The following C1orf105 variants were observed in gnomAD, a reference collection of about 807,000 sequenced individuals.
C1orf105 encodes the protein uncharacterized protein C1orf105.
Under a neutral mutation model 20.8 loss-of-function variants are expected in C1orf105, and 17 were observed. That is an observed-to-expected ratio of 0.82 (90% CI 0.56 to 1.23). The LOEUF is 1.23. Among genes scored for constraint, C1orf105 ranks in the 50% most tolerant of loss-of-function variants. The pLI, the probability that C1orf105 is intolerant of heterozygous loss-of-function variation, is 0.00. For synonymous variants in C1orf105, 72 were observed against 72.1 expected, an observed-to-expected ratio of 1.00 and a Z score of 0.01; for missense variants, 219 against 213.5, an observed-to-expected ratio of 1.03 and a Z score of -0.16.
chr1:172,449,140 C>G (rs1194495750), intron 3 of C1orf105, among the ~76,000 whole-genome samples: 1 of 152,190 alleles, frequency 6.6e-6, no homozygotes. Flanking sequence ...TCCTAAGGCA[C>G]TCGACACGGT....
chr1:172,459,018 C>T (rs996634136), intron 4 of C1orf105, among the ~76,000 whole-genome samples: 8 of 152,078 alleles, frequency 5.3e-5, no homozygotes, highest in Non-Finnish European at 1.2e-4. Flanking sequence ...TGTACCTCTT[C>T]CTCACACCAT....
chr1:172,432,207 G>A (rs368016732), intron 1 of C1orf105, among the ~76,000 whole-genome samples: 4 of 152,290 alleles, frequency 2.6e-5, no homozygotes, highest in East Asian at 1.9e-4. Context: ...AAACTTAAAC[G>A]TCCCTGTGTG....
intron 3 of C1orf105, chr1:172,450,977 G>A (rs559923308): frequency 4.6e-5 from 7 of 152,230 alleles, no homozygotes; most frequent in African/African-American, 1.7e-4. Context: ...CTGTGGAGAA[G>A]CTTCTTCATT....
intron 2 of C1orf105, 64 bp downstream of exon 2, chr1:172,445,222 T>A: frequency 7.6e-7 from 1 of 1,308,062 alleles, no homozygotes; most frequent in Non-Finnish European, 1.1e-6. Flanking sequence ...GATTTCTTCT[T>A]AAGGGATGGG....
chr1:172,448,520 G>GT lies in C1orf105; in HGVS notation c.191dup (p.Leu64PhefsTer3). On this transcript the variant is annotated frameshift_variant, in exon 3 of 7. Coordinates refer to ENST00000367727, the MANE Select transcript of C1orf105 (RefSeq NM_139240.4). LOFTEE classifies it high-confidence loss of function. ...GCCAATTTTGTTTCAAGTTCCAGAT[G>GT]TTTTATCTAAGGTACTAAAAAATTT... 6.2e-7 allele frequency: 1 copy of GT among 1,608,396 alleles called. No homozygotes were observed. The highest frequency in any genetic ancestry group is 8.5e-7 in the Non-Finnish European group (1 of 1,175,136).
chr1:172,444,241 A>G (rs1306864359), intron 1 of C1orf105: 1 of 985,344 alleles, frequency 1.0e-6, no homozygotes, highest in Non-Finnish European at 1.2e-6. Context: ...GCAAATCCCC[A>G]GCAATCCCCT....
chr1:172,456,355 C>A, intron 3 of C1orf105, 60 bp from the exon 4 acceptor site: 1 of 1,446,296 alleles, frequency 6.9e-7, no homozygotes, highest in Non-Finnish European at 9.6e-7. Flanking sequence ...TTTCCTACAT[C>A]TTTGCTGCCC....
intron 1 of C1orf105, among the ~76,000 whole-genome samples, chr1:172,432,936 G>A (rs2071917616): frequency 1.3e-5 from 2 of 152,228 alleles, no homozygotes; most frequent in Admixed American, 1.3e-4. Context: ...ACCTGATGGA[G>A]CTGAAAACCA....
chr1:172,439,713 T>C (rs2072157570), intron 1 of C1orf105, among the ~76,000 whole-genome samples: 5 of 151,628 alleles, frequency 3.3e-5, no homozygotes, highest in Admixed American at 2.6e-4. Context: ...GCTACCTGAG[T>C]TCCCTAAAAT....
At chr1:172,433,341 G>C (rs554707111) in intron 1 of C1orf105, among the ~76,000 whole-genome samples, 5 of 152,228 alleles carry the variant, frequency 3.3e-5, no homozygotes, top group African/African-American at 9.6e-5. Context: ...AAATGTTAAG[G>C]GCAGCCAGAA....
At chr1:172,466,338 C>T (rs957583442) in intron 6 of C1orf105, among the ~76,000 whole-genome samples, 2 of 152,154 alleles carry the variant, frequency 1.3e-5, no homozygotes, top group African/African-American at 4.8e-5. Flanking sequence ...GTTCATGGCT[C>T]TCATTTAGCC....
chr1:172,444,152 C>G, intron 1 of C1orf105: 10 of 988,204 alleles, frequency 1.0e-5, no homozygotes, highest in Non-Finnish European at 1.1e-5. Context: ...TGACTGCTGC[C>G]CCCTCCTGGC....
At chr1:172,441,578 C>T (rs1046583013) in intron 1 of C1orf105, 2 of 661,842 alleles carry the variant, frequency 3.0e-6, no homozygotes, top group African/African-American at 1.8e-5. Context: ...CCCTCACCAC[C>T]CAAGCCTTTG....
intron 1 of C1orf105, among the ~76,000 whole-genome samples, chr1:172,427,158 C>T (rs1389132904): frequency 6.6e-6 from 1 of 152,200 alleles, no homozygotes; most frequent in Non-Finnish European, 1.5e-5. Context: ...TGATTCCTTG[C>T]CTCCAACTTC....
At chr1:172,433,336 T>C (rs377447811) in intron 1 of C1orf105, among the ~76,000 whole-genome samples, 234 of 152,234 alleles carry the variant, frequency 1.5e-3, no homozygotes, top group African/African-American at 5.4e-3. Flanking sequence ...GGAAAAAATG[T>C]TAAGGGCAGC....
At chr1:172,426,452 A>G (rs2071724744) in intron 1 of C1orf105, among the ~76,000 whole-genome samples, 1 of 151,874 alleles carries the variant, frequency 6.6e-6, no homozygotes, top group Non-Finnish European at 1.5e-5. Context: ...TCCTGTTTCA[A>G]TGTCACTCCC....
At chr1:172,440,041 T>G (rs766651197) in intron 1 of C1orf105, among the ~76,000 whole-genome samples, 34 of 152,310 alleles carry the variant, frequency 2.2e-4, no homozygotes, top group Middle Eastern at 6.8e-3. Flanking sequence ...AAACACAATA[T>G]TCATCTGTCC....
intron 3 of C1orf105, 73 bp downstream of exon 3, chr1:172,448,604 A>G: frequency 2.3e-6 from 2 of 862,210 alleles, no homozygotes; most frequent in Non-Finnish European, 3.9e-6. Context: ...TACATGTCCC[A>G]TCTCCTTAGC....
chr1:172,444,567 G>A (rs571524685), intron 1 of C1orf105, among the ~76,000 whole-genome samples: 79 of 152,212 alleles, frequency 5.2e-4, no homozygotes, highest in African/African-American at 1.8e-3. Context: ...CCCTCAAAGA[G>A]GACAAATCTA....
Sources: allele counts gnomAD v4.1 joint callset (sites outside exome capture counted in the v4.1 genomes callset), GRCh38; gene constraint gnomAD v4.1.1; transcripts MANE v1.5; gene names NCBI Gene and HGNC (gene_info 2026-07-23, HGNC 2026-07-21).